Variants in KCNIP4 observed in about 807,000 individuals in gnomAD.
KCNIP4 encodes the protein potassium voltage-gated channel interacting protein 4.
In KCNIP4, 12 loss-of-function variants were observed where a neutral mutation model predicts 34.0. That is an observed-to-expected ratio of 0.35 (90% confidence interval 0.23 to 0.57). The LOEUF is 0.57. Among genes scored for constraint, KCNIP4 ranks in the 20% least tolerant of loss-of-function variants. The pLI is 0.83. For missense variants in KCNIP4, 238 were observed against 311.7 expected (o/e 0.76, Z 1.78); for synonymous variants, 124 against 102.2 (o/e 1.21, Z -1.29).
intron 3 of KCNIP4, among the ~76,000 whole-genome samples, chr4:20,848,114 T>A: frequency 6.6e-6 from 1 of 152,148 alleles, no homozygotes; most frequent in East Asian, 1.9e-4. Flanking sequence ...CCACTTGTGT[T>A]TGATTTATGA....
chr4:21,522,213 T>C (rs1577518203), intron 1 of KCNIP4, among the ~76,000 whole-genome samples: 1 of 152,258 alleles, frequency 6.6e-6, no homozygotes, highest in East Asian at 1.9e-4. Flanking sequence ...GGAGATTCAT[T>C]TAACACTTCA....
At chr4:20,876,525 C>T (rs569712563) in intron 2 of KCNIP4, among the ~76,000 whole-genome samples, 82 of 152,144 alleles carry the variant, frequency 5.4e-4, no homozygotes, top group African/African-American at 1.8e-3. Flanking sequence ...TGTACATTCA[C>T]GAGCCAGCTG....
chr4:21,135,152 G>A (rs1303480554), intron 1 of KCNIP4, among the ~76,000 whole-genome samples: 2 of 152,184 alleles, frequency 1.3e-5, no homozygotes, highest in Non-Finnish European at 2.9e-5. Context: ...AGATGGTCAG[G>A]TTCACCAGAC....
chr4:21,776,970 A>C (rs1252322673), intron 1 of KCNIP4, among the ~76,000 whole-genome samples: 17 of 151,990 alleles, frequency 1.1e-4, no homozygotes, highest in Admixed American at 1.1e-3. Context: ...ACAGGGTTTC[A>C]CCATATTGGC....
intron 1 of KCNIP4, among the ~76,000 whole-genome samples, chr4:21,123,864 G>C (rs779040352): frequency 6.6e-6 from 1 of 152,028 alleles, no homozygotes; most frequent in African/African-American, 2.4e-5. Flanking sequence ...GGCTGTCTCC[G>C]AGCCAAGAAG....
chr4:21,441,449 C>G (rs550753954), intron 1 of KCNIP4, among the ~76,000 whole-genome samples: 1 of 152,078 alleles, frequency 6.6e-6, no homozygotes, highest in Non-Finnish European at 1.5e-5. Context: ...GGCCACGACA[C>G]CTTTCTTAAT....
intron 3 of KCNIP4, among the ~76,000 whole-genome samples, chr4:20,831,138 G>A (rs1189633404): frequency 2.0e-5 from 3 of 152,140 alleles, no homozygotes; most frequent in Non-Finnish European, 4.4e-5. Context: ...ACATTTTTGT[G>A]TGTGTATCTA....
At chr4:21,692,744 G>T (rs887664280) in intron 1 of KCNIP4, among the ~76,000 whole-genome samples, 1 of 150,318 alleles carries the variant, frequency 6.7e-6, no homozygotes, top group African/African-American at 2.4e-5. Flanking sequence ...TAATTTCAGA[G>T]CATGCGGGCC....
At chr4:21,608,401 C>T (rs985832255) in intron 1 of KCNIP4, among the ~76,000 whole-genome samples, 1 of 152,088 alleles carries the variant, frequency 6.6e-6, no homozygotes. Flanking sequence ...AACTGAGATC[C>T]ACATTTCCTT....
intron 5 of KCNIP4, among the ~76,000 whole-genome samples, chr4:20,744,664 T>A (rs994028493): frequency 5.9e-5 from 9 of 152,046 alleles, no homozygotes; most frequent in African/African-American, 2.2e-4. Flanking sequence ...AAATAAATAA[T>A]GTAAATGACG....
chr4:21,479,744 A>C (rs142511514), intron 1 of KCNIP4, among the ~76,000 whole-genome samples: 97 of 152,268 alleles, frequency 6.4e-4, no homozygotes, highest in Middle Eastern at 3.4e-3. Context: ...CCAAATCTTC[A>C]AATTAATAGC....
rs1757183002 is a variant in KCNIP4 at position 21,210,999 on chromosome 4, T to C, written c.62-328290A>G. On this transcript the variant is annotated intron_variant, in intron 1 of 8. Transcript: ENST00000382152. ...AAAAATAAGGATTTGTAAGCAATAT[T>C]AAGCAATAGTGAAGTTTAGCTCTAG... Among the ~76,000 whole-genome samples, 3 of 152,188 alleles carry C rather than the reference T, an allele frequency of 2.0e-5. No homozygotes were observed. In the South Asian group the frequency reaches 6.2e-4, roughly 32 times the overall value.
In KCNIP4 at chr4:20,997,712, T is replaced by A. The variant is rs533889130; in HGVS notation, c.62-115003A>T. Among the ~76,000 whole-genome samples the A allele has an allele frequency of 1.6e-4, 25 of 152,276 alleles. 1 individual carries two copies. The highest frequency in any genetic ancestry group is 5.5e-4 in the African/African-American group (23 of 41,544). ...ACTCCCAGTCTTCAAGTTTCAAACATCAACGAGGAAGATTCTGTATGTAGG... is the reference window on the plus strand; with the variant it reads ...ACTCCCAGTCTTCAAGTTTCAAACAACAACGAGGAAGATTCTGTATGTAGG... On this transcript the variant is annotated intron_variant, in intron 1 of 8. Transcript: ENST00000382152.
At chr4:21,148,290 GAAC>G (rs1242647784) in intron 1 of KCNIP4, among the ~76,000 whole-genome samples, 1 of 152,096 alleles carries the variant, frequency 6.6e-6, no homozygotes, top group East Asian at 1.9e-4. Flanking sequence ...AACCTTCAGA[GAAC>G]AAAAAACAGA....
At position 21,201,008 on chromosome 4, in the gene KCNIP4, A is replaced by G. The variant is rs1324945792; in HGVS notation, c.62-318299T>C. On this transcript the variant is annotated intron_variant, in intron 1 of 8. Coordinates refer to ENST00000382152, the MANE Select transcript of KCNIP4 (RefSeq NM_025221.6). ...GTACTTAAGTGACTTGTCCAAGGTC[A>G]CCCAGTGAATAAGAGGTTGAGATTC... Among the ~76,000 whole-genome samples, 7 of 152,270 alleles carry G rather than the reference A, an allele frequency of 4.6e-5. No individual in the cohort carries two copies. In the East Asian group the frequency reaches 1.4e-3, roughly 30 times the overall value.
At chr4:21,112,790 G>A (rs1749335606) in intron 1 of KCNIP4, among the ~76,000 whole-genome samples, 1 of 151,986 alleles carries the variant, frequency 6.6e-6, no homozygotes, top group South Asian at 2.1e-4. Flanking sequence ...AAATTGATTA[G>A]AAAAACAGAA....
intron 1 of KCNIP4, among the ~76,000 whole-genome samples, chr4:20,969,692 A>C (rs1734733042): frequency 6.6e-6 from 1 of 152,124 alleles, no homozygotes; most frequent in African/African-American, 2.4e-5. Context: ...TTCATTACAT[A>C]ATTTTCCAAA....
Position 21,321,448 on chromosome 4 carries a change from T to C in KCNIP4, c.62-438739A>G, listed in dbSNP as rs572759202. ...ATTGGGAAGATGTAAATATAGGTAA[T>C]AGAGAAGACATCTAAGTGTTCTACA... On this transcript the variant is annotated intron_variant, in intron 1 of 8. Coordinates refer to ENST00000382152, the MANE Select transcript of KCNIP4 (RefSeq NM_025221.6). 8.5e-5 allele frequency among the ~76,000 whole-genome samples: 13 copies of C among 152,128 alleles called. No individual in the cohort carries two copies. The East Asian group carries it at 2.5e-3, about 30-fold the overall frequency.
intron 1 of KCNIP4, among the ~76,000 whole-genome samples, chr4:21,472,265 A>G (rs1039145432): frequency 6.6e-6 from 1 of 152,026 alleles, no homozygotes; most frequent in African/African-American, 2.4e-5. Context: ...CATTACCTCC[A>G]TTTCCCAATC....
Sources: allele counts gnomAD v4.1 joint callset (sites outside exome capture counted in the v4.1 genomes callset), GRCh38; gene constraint gnomAD v4.1.1; transcripts MANE v1.5; gene names NCBI Gene and HGNC (gene_info 2026-07-23, HGNC 2026-07-21).